The following TSHZ2 variants were observed in gnomAD, a reference collection of about 807,000 sequenced individuals.
TSHZ2 encodes the protein teashirt homolog 2.
A neutral mutation model predicts 74.4 loss-of-function variants in TSHZ2; 21 were observed. That is an observed-to-expected ratio of 0.28 (90% CI 0.20 to 0.41). TSHZ2 has a LOEUF of 0.41. Among genes scored for constraint, TSHZ2 ranks in the 10% least tolerant of loss-of-function variants. The pLI, the probability that TSHZ2 is intolerant of heterozygous loss-of-function variation, is 1.00. For synonymous variants in TSHZ2, 540 were observed against 515.3 expected (o/e 1.05, Z -0.65); for missense variants, 1,244 against 1,293.5 (o/e 0.96, Z 0.59).
intron 1 of TSHZ2, among the ~76,000 whole-genome samples, chr20:53,135,421 T>C (rs1051492260): frequency 1.3e-5 from 2 of 152,168 alleles, no homozygotes; most frequent in African/African-American, 4.8e-5. Flanking sequence ...ACTGGCTTCT[T>C]TCATGTAGCA....
intron 1 of TSHZ2, among the ~76,000 whole-genome samples, chr20:53,224,755 C>A (rs1171421971): frequency 6.7e-6 from 1 of 149,722 alleles, no homozygotes; most frequent in Non-Finnish European, 1.5e-5. Flanking sequence ...GAGGCTGAGG[C>A]AGGAGAATTG....
chr20:53,084,715 T>C (rs1600682199), intron 1 of TSHZ2, among the ~76,000 whole-genome samples: 2 of 105,228 alleles, frequency 1.9e-5, no homozygotes, highest in South Asian at 3.7e-4. Flanking sequence ...CCCTCTCTCC[T>C]TCCCTCCCTC....
intron 1 of TSHZ2, among the ~76,000 whole-genome samples, chr20:53,020,711 C>T (rs1277259452): frequency 2.0e-5 from 3 of 152,276 alleles, no homozygotes; most frequent in East Asian, 1.9e-4. Flanking sequence ...ACTGAATAGC[C>T]AAAATCCAAA....
chr20:53,298,932 T>C (rs1049414840), intron 2 of TSHZ2, among the ~76,000 whole-genome samples: 2 of 152,220 alleles, frequency 1.3e-5, no homozygotes, highest in Admixed American at 6.5e-5. Flanking sequence ...AGTGCCTCTG[T>C]GAAGGTGTGA....
intron 2 of TSHZ2, among the ~76,000 whole-genome samples, chr20:53,388,540 T>G (rs1982132887): frequency 6.6e-6 from 1 of 152,158 alleles, no homozygotes; most frequent in Non-Finnish European, 1.5e-5. Context: ...AAAATGCCAG[T>G]TGAACATACT....
intron 1 of TSHZ2, among the ~76,000 whole-genome samples, chr20:53,061,364 C>A (rs77292797): frequency 9.3e-4 from 142 of 152,244 alleles, no homozygotes; most frequent in African/African-American, 3.3e-3. Context: ...GAGCTAAACC[C>A]AAATGCATTT....
At chr20:53,149,115 G>A (rs1987614298) in intron 1 of TSHZ2, among the ~76,000 whole-genome samples, 1 of 151,132 alleles carries the variant, frequency 6.6e-6, no homozygotes, top group African/African-American at 2.4e-5. Context: ...CTCTCTTCCA[G>A]TCTGTCTGTT....
chr20:53,151,493 T>C (rs558392214), intron 1 of TSHZ2, among the ~76,000 whole-genome samples: 1 of 152,208 alleles, frequency 6.6e-6, no homozygotes, highest in Non-Finnish European at 1.5e-5. Flanking sequence ...GAGAATATGG[T>C]ACATATACCA....
chr20:53,338,752 G>A (rs767654403), intron 2 of TSHZ2, among the ~76,000 whole-genome samples: 17 of 152,176 alleles, frequency 1.1e-4, no homozygotes, highest in Non-Finnish European at 2.1e-4. Context: ...AATGTCAGGA[G>A]TACTCAGCTC....
In TSHZ2 at chr20:52,973,006, G is replaced by A; in HGVS notation, c.-288G>A. ...AAATTCCAAAAGCAAAAACAAAAAA[G>A]AGAGAGGAAAAAAAATTCAAAATAA... On this transcript the variant is annotated 5_prime_UTR_variant, in exon 1 of 3. Transcript: ENST00000371497. 2.6e-6 allele frequency: 1 copy of A among 383,710 alleles called. No homozygotes were observed. Among genetic ancestry groups the A allele is most frequent in the Non-Finnish European group, 4.6e-6 (1 of 219,262 alleles). 23.8% of individuals were successfully genotyped at this position (383,710 alleles called of 1,614,324 possible).
At chr20:53,188,925 A>G (rs1988666579) in intron 1 of TSHZ2, among the ~76,000 whole-genome samples, 2 of 152,204 alleles carry the variant, frequency 1.3e-5, no homozygotes, top group East Asian at 1.9e-4. Context: ...TAACATGTCT[A>G]TGAGGAAATA....
intron 1 of TSHZ2, among the ~76,000 whole-genome samples, chr20:52,985,167 T>A (rs573165866): frequency 1.3e-5 from 2 of 152,200 alleles, no homozygotes; most frequent in East Asian, 3.9e-4. Context: ...GGCAAGAGGA[T>A]GGATCTTGGA....
intron 2 of TSHZ2, among the ~76,000 whole-genome samples, chr20:53,435,737 A>C (rs1161204573): frequency 6.6e-6 from 1 of 152,006 alleles, no homozygotes; most frequent in Admixed American, 6.5e-5. Flanking sequence ...CTGGTGTCGA[A>C]CTCCTGACCA....
At chr20:52,977,421 T>A (rs1322828038) in intron 1 of TSHZ2, among the ~76,000 whole-genome samples, 1 of 141,384 alleles carries the variant, frequency 7.1e-6, no homozygotes, top group Non-Finnish European at 1.5e-5. Context: ...AATGGAAAAA[T>A]ACACACACAC....
chr20:52,988,492 A>G (rs1157628449), intron 1 of TSHZ2, among the ~76,000 whole-genome samples: 2 of 152,142 alleles, frequency 1.3e-5, no homozygotes, highest in Non-Finnish European at 2.9e-5. Flanking sequence ...ACAGACTCAC[A>G]TAAATAAACT....
intron 2 of TSHZ2, among the ~76,000 whole-genome samples, chr20:53,387,677 T>G (rs1214562426): frequency 1.3e-5 from 2 of 152,164 alleles, no homozygotes; most frequent in Non-Finnish European, 2.9e-5. Flanking sequence ...GAAGTGAAAC[T>G]GCATTGTTGC....
intron 2 of TSHZ2, among the ~76,000 whole-genome samples, chr20:53,471,301 G>A (rs559066918): frequency 1.3e-5 from 2 of 151,982 alleles, no homozygotes; most frequent in Non-Finnish European, 2.9e-5. Flanking sequence ...CTTCAAATTA[G>A]TGTCTTTAGA....
At chr20:53,092,153 T>C (rs1282348734) in intron 1 of TSHZ2, among the ~76,000 whole-genome samples, 4 of 151,960 alleles carry the variant, frequency 2.6e-5, no homozygotes, top group Admixed American at 2.0e-4. Flanking sequence ...ACAATATCGT[T>C]TCCTTGTGTG....
intron 2 of TSHZ2, among the ~76,000 whole-genome samples, chr20:53,272,711 G>T (rs182111625): frequency 2.0e-5 from 3 of 152,296 alleles, no homozygotes; most frequent in African/African-American, 4.8e-5. Context: ...CCAGCCTGCC[G>T]TAGAAAGGAC....
Sources: gnomAD v4.1 joint callset for allele counts (sites outside exome capture counted in the v4.1 genomes callset) on GRCh38, gnomAD v4.1.1 for gene constraint, MANE v1.5 for transcripts, NCBI Gene and HGNC (gene_info 2026-07-23, HGNC 2026-07-21) for gene names.